The following DSE variants were observed in gnomAD, a reference collection of about 807,000 sequenced individuals.
The protein encoded by DSE is dermatan-sulfate epimerase.
A neutral mutation model predicts 84.4 loss-of-function variants in DSE; 36 were observed. The observed-to-expected ratio is 0.43, with a 90% CI of 0.33 to 0.56. The LOEUF (loss-of-function observed/expected upper bound fraction) is 0.56. Among genes scored for constraint, DSE ranks in the 20% least tolerant of loss-of-function variants. The pLI, the probability that DSE is intolerant of heterozygous loss-of-function variation, is 0.06. For missense variants in DSE, 862 were observed against 1,169.6 expected (o/e 0.74, Z 3.84); for synonymous variants, 410 against 430.1 (o/e 0.95, Z 0.58).
At chr6:116,367,603 T>C (rs1779238688), upstream of DSE, among the ~76,000 whole-genome samples, 1 of 152,226 alleles carries the variant, frequency 6.6e-6, no homozygotes, top group African/African-American at 2.4e-5. Context: ...ATGGAAGGGA[T>C]GCCTCTGCTT....
At chr6:116,320,500 T>C (rs1317580745) in intron 2 of DSE, among the ~76,000 whole-genome samples, 1 of 151,558 alleles carries the variant, frequency 6.6e-6, no homozygotes, top group Non-Finnish European at 1.5e-5. Flanking sequence ...ACAGTGCAGG[T>C]TGGGGCAGGT....
intron 2 of DSE, chr6:116,288,563 A>T (rs1203037555): frequency 6.6e-6 from 1 of 152,116 alleles, no homozygotes; most frequent in Admixed American, 6.6e-5. Flanking sequence ...CCACTGCTCC[A>T]GCTATTTCAA....
chr6:116,330,417 C>T (rs1583029551), intron 2 of DSE, among the ~76,000 whole-genome samples: 1 of 152,142 alleles, frequency 6.6e-6, no homozygotes, highest in South Asian at 2.1e-4. Context: ...AAACAAAATG[C>T]ATTTTTAATC....
At chr6:116,279,959 T>A in intron 2 of DSE, 2 of 1,352,742 alleles carry the variant, frequency 1.5e-6, no homozygotes, top group Non-Finnish European at 1.1e-6. Flanking sequence ...TCGTCAGGAC[T>A]GGAGATCTCA....
intron 1 of DSE, among the ~76,000 whole-genome samples, chr6:116,383,927 T>C (rs1780416149): frequency 6.6e-6 from 1 of 152,224 alleles, no homozygotes; most frequent in Non-Finnish European, 1.5e-5. Flanking sequence ...ATACACCATA[T>C]TAAGTTTTTT....
intron 1 of DSE, among the ~76,000 whole-genome samples, chr6:116,257,552 AACTT>A (rs1394990961): frequency 1.3e-5 from 2 of 152,200 alleles, no homozygotes; most frequent in East Asian, 1.9e-4. Context: ...TGTAAACAGT[AACTT>A]ACTTCTCACA....
At chr6:116,345,841 G>A (rs944117661) in intron 2 of DSE, among the ~76,000 whole-genome samples, 6 of 151,924 alleles carry the variant, frequency 3.9e-5, no homozygotes, top group Admixed American at 1.3e-4. Context: ...CAGGTTTTTC[G>A]AAAAGATCAA....
intron 5 of DSE, 57 bp downstream of exon 5, chr6:116,433,607 C>T: frequency 1.3e-6 from 2 of 1,506,944 alleles, no homozygotes; most frequent in Non-Finnish European, 1.8e-6. Flanking sequence ...ACTATTCATG[C>T]TATGCACTTG....
chr6:116,286,745 A>G (rs1773932347), intron 2 of DSE, among the ~76,000 whole-genome samples: 1 of 152,168 alleles, frequency 6.6e-6, no homozygotes, highest in African/African-American at 2.4e-5. Context: ...ATCACCATGG[A>G]TGGAGACTGA....
intron 2 of DSE, among the ~76,000 whole-genome samples, chr6:116,329,523 C>G (rs1179020872): frequency 6.6e-6 from 1 of 152,134 alleles, no homozygotes. Context: ...ACTATAATTT[C>G]TGGAATTTAT....
At chr6:116,378,057 T>C (rs1435769569) in intron 1 of DSE, among the ~76,000 whole-genome samples, 1 of 152,118 alleles carries the variant, frequency 6.6e-6, no homozygotes, top group Non-Finnish European at 1.5e-5. Context: ...GTGTTTACAT[T>C]TCTCCCAAGG....
chr6:116,264,764 A>G (rs914766541), intron 2 of DSE, among the ~76,000 whole-genome samples: 1 of 151,924 alleles, frequency 6.6e-6, no homozygotes, highest in East Asian at 1.9e-4. Context: ...ATCCTATTAT[A>G]TTTGATGAAC....
At chr6:116,394,430 A>G (rs547543622) in intron 1 of DSE, among the ~76,000 whole-genome samples, 1 of 146,612 alleles carries the variant, frequency 6.8e-6, no homozygotes, top group East Asian at 1.9e-4. Context: ...TATAGCAGTA[A>G]CAGCGTGATT....
intron 2 of DSE, among the ~76,000 whole-genome samples, chr6:116,313,668 G>A (rs1775816333): frequency 6.6e-6 from 1 of 152,152 alleles, no homozygotes; most frequent in African/African-American, 2.4e-5. Flanking sequence ...TATCTTAAAA[G>A]CTCAGTCTTC....
rs1784421650 is a variant in DSE at position 116,441,395 on chromosome 6, AAAC to A, written c.*4053_*4055del. ...TACTAGAAGCCTTATTTAAAAAACA[AAAC>A]AATAAATTATCTGTCCCTTCCCCTC... On this transcript the variant is annotated 3_prime_UTR_variant, in exon 6 of 6. Coordinates refer to ENST00000644252, the MANE Select transcript of DSE (RefSeq NM_013352.4). 6.6e-6 allele frequency: 1 copy of A among 152,230 alleles called. No individual in the cohort carries two copies. Among genetic ancestry groups the A allele is most frequent in the Non-Finnish European group, 1.5e-5 (1 of 68,040 alleles). 9.4% of individuals were successfully genotyped at this position (152,230 alleles called of 1,614,324 possible).
chr6:116,388,560 T>C (rs1013237212), intron 1 of DSE, among the ~76,000 whole-genome samples: 1 of 152,226 alleles, frequency 6.6e-6, no homozygotes, highest in African/African-American at 2.4e-5. Flanking sequence ...ATTAAAGATA[T>C]TTAATTTACA....
intron 2 of DSE, among the ~76,000 whole-genome samples, chr6:116,339,477 A>T (rs924882396): frequency 6.6e-6 from 1 of 152,308 alleles, no homozygotes. Context: ...GAAAACCATC[A>T]TATCTTTTTG....
intron 1 of DSE, among the ~76,000 whole-genome samples, chr6:116,397,289 A>G (rs1240741877): frequency 3.4e-5 from 5 of 146,026 alleles, no homozygotes; most frequent in Non-Finnish European, 6.0e-5. Flanking sequence ...GCTCACTGCA[A>G]CCTCCGCCTC....
At chr6:116,320,413 A>G (rs972268930) in intron 2 of DSE, among the ~76,000 whole-genome samples, 2 of 151,652 alleles carry the variant, frequency 1.3e-5, no homozygotes, top group African/African-American at 4.9e-5. Context: ...ATGTATTTCT[A>G]GATAAAGAAC....
Sources: gnomAD v4.1 joint callset for allele counts (sites outside exome capture counted in the v4.1 genomes callset) on GRCh38, gnomAD v4.1.1 for gene constraint, MANE v1.5 for transcripts, NCBI Gene and HGNC (gene_info 2026-07-23, HGNC 2026-07-21) for gene names.